NRK: variants seen among roughly 807,000 people sequenced by gnomAD.
The protein encoded by NRK is Nik related kinase.
In NRK, 67 loss-of-function variants were observed where a neutral mutation model predicts 125.2. The ratio of observed to expected loss-of-function variants is 0.54; its 90% confidence interval spans 0.44 to 0.66. The LOEUF (loss-of-function observed/expected upper bound fraction) is 0.66, where lower values mean the gene tolerates loss of function less well. Ranked by LOEUF, NRK falls within the 30% of genes least tolerant of loss-of-function variation. The pLI, the probability that NRK is intolerant of heterozygous loss-of-function variation, is 0.00. For missense variants in NRK, 1,224 were observed against 1,192.9 expected (o/e 1.03, Z -0.38); for synonymous variants, 458 against 429.0 (o/e 1.07, Z -0.84).
chrX:105,934,209 A>C, intron 19 of NRK, 49 bp from the exon 20 acceptor site: 1 of 819,715 alleles, frequency 1.2e-6, no homozygotes, highest in Non-Finnish European at 1.7e-6. Flanking sequence ...TATTTCTCCC[A>C]CTGTTAACCT....
Position 105,900,783 on chromosome X carries a change from T to C in NRK, c.766+111T>C. 6.2e-6 allele frequency: 3 copies of C among 482,076 alleles called. No individual in the cohort carries two copies. In the South Asian group the frequency reaches 1.1e-4, roughly 17 times the overall value. The allele number at this position is 482,076 out of a possible 1,213,427, so 39.7% of individuals were successfully genotyped here. ...AGATTGCCACTTGTACCACTCAGCT[T>C]TCACTGGCCACACAGGTGTCATACT... On this transcript the variant is annotated intron_variant, in intron 9 of 28. Coordinates refer to ENST00000243300, the MANE Select transcript of NRK (RefSeq NM_198465.4).
chrX:105,898,778 T>C (rs1174606006), intron 8 of NRK, 64 bp downstream of exon 8: 57 of 948,069 alleles, frequency 6.0e-5, no homozygotes, highest in Non-Finnish European at 7.8e-5. Context: ...TAACATTTAT[T>C]TTTAATGATA....
intron 4 of NRK, among the ~76,000 whole-genome samples, chrX:105,886,489 TTA>T (rs202247079): frequency 0.028 from 2,883 of 104,019 alleles, 119 homozygotes; most frequent in African/African-American, 0.095. Context: ...GATAATTATA[TTA>T]TATATATTAC....
chrX:105,838,398 A>G (rs777243913), intron 2 of NRK, among the ~76,000 whole-genome samples: 2 of 110,864 alleles, frequency 1.8e-5, no homozygotes, highest in Non-Finnish European at 3.8e-5. Context: ...ATCTAACACC[A>G]TTTTGTTAAG....
At chrX:105,930,228 G>A (rs1274040872) in intron 19 of NRK, among the ~76,000 whole-genome samples, 1 of 110,353 alleles carries the variant, frequency 9.1e-6, no homozygotes, top group African/African-American at 3.3e-5. Context: ...TCTTAATGTT[G>A]TCCCATAAGT....
At position 105,886,352 on chromosome X, in the gene NRK, A is replaced by G. The variant is rs993410645; in HGVS notation, c.253-1942A>G. Reference sequence around the variant, plus strand: ...GATTTTTTAAATGACACACACACACATATATAAATGCATAATGATATGATC... The same window carrying G: ...GATTTTTTAAATGACACACACACACGTATATAAATGCATAATGATATGATC... On this transcript the variant is annotated intron_variant, in intron 4 of 28. Transcript: ENST00000243300. Among the ~76,000 whole-genome samples the G allele has an allele frequency of 7.5e-5, 8 of 106,808 alleles. No individual in the cohort carries two copies. In the Admixed American group the frequency reaches 8.3e-4, roughly 11 times the overall value. The allele number at this position is 106,808 out of a possible 115,157, so 92.7% of individuals were successfully genotyped here. A position where few individuals can be genotyped will look rare whatever the true frequency, so the allele number is the denominator to read the frequency against.
intron 19 of NRK, among the ~76,000 whole-genome samples, 183 bp downstream of exon 19, chrX:105,925,214 A>G (rs1188306994): frequency 9.0e-6 from 1 of 111,260 alleles, no homozygotes; most frequent in Non-Finnish European, 1.9e-5. Context: ...GTTCCTATTT[A>G]CTTCCAAAGA....
chrX:105,908,615 G>T, intron 12 of NRK, 112 bp from the exon 13 acceptor site: 1 of 1,000,963 alleles, frequency 1.0e-6, no homozygotes, highest in Non-Finnish European at 1.3e-6. Context: ...TTTACTGAAG[G>T]TATCTTCATT....
intron 9 of NRK, among the ~76,000 whole-genome samples, chrX:105,902,069 T>C (rs994343246): frequency 9.0e-6 from 1 of 111,042 alleles, no homozygotes; most frequent in Non-Finnish European, 1.9e-5. Flanking sequence ...ACCAACTTTC[T>C]ATGTTTTCCA....
intron 2 of NRK, among the ~76,000 whole-genome samples, chrX:105,874,463 G>C (rs1278500005): frequency 1.8e-5 from 2 of 111,590 alleles, no homozygotes; most frequent in African/African-American, 6.5e-5. Flanking sequence ...TTGATTCTGG[G>C]TCCCCAGTGT....
chrX:105,824,088 G>A (rs2039060639), intron 1 of NRK, among the ~76,000 whole-genome samples: 1 of 112,175 alleles, frequency 8.9e-6, no homozygotes, highest in South Asian at 3.7e-4. Flanking sequence ...GATGCTATAT[G>A]TGGAGAGGTA....
rs769536438 is a variant in NRK at position 105,924,915 on chromosome X, G to A, written c.3196G>A (p.Val1066Ile). ...GSEGDGGKGV[V>I]RTSEESGALG... ...TGAGGGTGATGGAGGTAAGGGAGTC[G>A]TTCGAACCAGTGAAGAGAGTGGAGC... The change falls in exon 19 of 29, where the codon GTT (valine) becomes ATT (isoleucine). Residue 1066 changes from valine (V) to isoleucine (I), a missense_variant. By Grantham distance (29) the Val-to-Ile change is conservative. Transcript: ENST00000243300. The A allele has an allele frequency of 9.1e-6, 11 of 1,208,316 alleles. No homozygotes were observed. Among genetic ancestry groups the A allele is most frequent in the South Asian group, 8.8e-5 (5 of 56,783 alleles).
chrX:105,891,753 C>G (rs919157176), intron 5 of NRK, among the ~76,000 whole-genome samples: 8 of 111,592 alleles, frequency 7.2e-5, no homozygotes, highest in African/African-American at 2.6e-4. Flanking sequence ...GCTGCTACTG[C>G]TGGACTGATC....
chrX:105,895,387 AAG>A (rs1569304020), intron 6 of NRK, 44 bp from the exon 7 acceptor site: 1 of 969,212 alleles, frequency 1.0e-6, no homozygotes, highest in Admixed American at 2.3e-5. Flanking sequence ...GAAAGAAAGA[AAG>A]AAAGAAATAT....
intron 2 of NRK, among the ~76,000 whole-genome samples, chrX:105,879,651 ATCAC>A (rs1569299704): frequency 9.0e-6 from 1 of 111,420 alleles, no homozygotes; most frequent in Non-Finnish European, 1.9e-5. Context: ...TTAATTATGA[ATCAC>A]TCACACTAAG....
At chrX:105,884,226 T>C (rs1006497634) in intron 4 of NRK, among the ~76,000 whole-genome samples, 1 of 111,900 alleles carries the variant, frequency 8.9e-6, no homozygotes, top group Non-Finnish European at 1.9e-5. Flanking sequence ...AATAGGTGTC[T>C]AGAGATTTAT....
intron 2 of NRK, among the ~76,000 whole-genome samples, chrX:105,840,864 T>C (rs1239213070): frequency 9.9e-6 from 1 of 101,421 alleles, no homozygotes; most frequent in Non-Finnish European, 1.9e-5. Flanking sequence ...TGTATATATA[T>C]ATATATACAT....
intron 16 of NRK, among the ~76,000 whole-genome samples, chrX:105,921,629 A>AT (rs1434840999): frequency 1.8e-5 from 2 of 109,001 alleles, no homozygotes; most frequent in Non-Finnish European, 3.8e-5. Flanking sequence ...CTCTTGATAC[A>AT]TTTTTTTAAA....
At chrX:105,939,685 G>A (rs754093371) in intron 22 of NRK, among the ~76,000 whole-genome samples, 189 bp from the exon 23 acceptor site, 244 of 111,793 alleles carry the variant, frequency 2.2e-3, no homozygotes, top group African/African-American at 7.5e-3. Flanking sequence ...TCTTGGAATT[G>A]AGAGACTAAA....
Sources: allele counts gnomAD v4.1 joint callset (sites outside exome capture counted in the v4.1 genomes callset), GRCh38; gene constraint gnomAD v4.1.1; transcripts MANE v1.5; gene names NCBI Gene and HGNC (gene_info 2026-07-23, HGNC 2026-07-21).